DIAPH2: variants seen among roughly 807,000 people sequenced by gnomAD.
DIAPH2 encodes diaphanous related formin 2, also known as protein diaphanous homolog 2.
In DIAPH2, 35 loss-of-function variants were observed where a neutral mutation model predicts 92.7. The observed-to-expected ratio is 0.38, with a 90% confidence interval of 0.29 to 0.50. The LOEUF is 0.50. Among genes scored for constraint, DIAPH2 ranks in the 20% least tolerant of loss-of-function variants. The pLI is 0.94. For synonymous variants in DIAPH2, 301 were observed against 280.4 expected (o/e 1.07, Z -0.73); for missense variants, 701 against 819.5 (o/e 0.86, Z 1.77).
intron 26 of DIAPH2, among the ~76,000 whole-genome samples, chrX:97,450,586 C>G (rs935280093): frequency 9.0e-6 from 1 of 111,395 alleles, no homozygotes; most frequent in Non-Finnish European, 1.9e-5. Context: ...TGTTTTCGGT[C>G]TGAGACTTTC....
intron 5 of DIAPH2, among the ~76,000 whole-genome samples, chrX:96,883,476 G>A (rs1037819545): frequency 9.2e-6 from 1 of 108,719 alleles, no homozygotes; most frequent in Admixed American, 9.9e-5. Context: ...TGCCTCCTGG[G>A]TTCAAGCGAT....
rs955651207 is a variant in DIAPH2, at chrX:96,974,701, G to A, written c.2050+9494G>A. Among the ~76,000 whole-genome samples, 3 of 111,194 alleles carry A rather than the reference G, an allele frequency of 2.7e-5. No individual in the cohort carries two copies. In the Admixed American group the frequency reaches 2.9e-4, roughly 11 times the overall value. Reference sequence around the variant, plus strand: ...GAATTTGTATATATGTTCTAGTTTTGTTTATTATTCAATTTGATGATATTT... The same window carrying A: ...GAATTTGTATATATGTTCTAGTTTTATTTATTATTCAATTTGATGATATTT... On this transcript the variant is annotated intron_variant, in intron 17 of 26. Transcript: ENST00000324765.
At chrX:96,734,017 T>C (rs1243231428) in intron 1 of DIAPH2, among the ~76,000 whole-genome samples, 1 of 111,464 alleles carries the variant, frequency 9.0e-6, no homozygotes, top group Non-Finnish European at 1.9e-5. Context: ...CAAAGAAGAG[T>C]ACTGAGGGGA....
At chrX:96,906,224 C>A (rs1478631925) in intron 5 of DIAPH2, among the ~76,000 whole-genome samples, 1 of 112,651 alleles carries the variant, frequency 8.9e-6, no homozygotes. Flanking sequence ...GTTTCAGCCT[C>A]CCGAATAGCT....
intron 16 of DIAPH2, among the ~76,000 whole-genome samples, chrX:96,962,570 C>T (rs2065871475): frequency 1.0e-5 from 1 of 96,311 alleles, no homozygotes; most frequent in Non-Finnish European, 2.0e-5. Context: ...TCTGTTTGAT[C>T]TGATATACGT....
chrX:97,096,500 A>G (rs1318451837), intron 19 of DIAPH2, among the ~76,000 whole-genome samples: 1 of 111,213 alleles, frequency 9.0e-6, no homozygotes, highest in Non-Finnish European at 1.9e-5. Flanking sequence ...TAATTTTGCC[A>G]GCTTCCATGT....
intron 22 of DIAPH2, among the ~76,000 whole-genome samples, chrX:97,175,685 C>T (rs943134848): frequency 5.4e-4 from 60 of 111,629 alleles, no homozygotes; most frequent in African/African-American, 1.7e-3. Context: ...TTAAACTTCC[C>T]CCCAACCCTT....
chrX:96,687,219 G>T (rs1569365654), intron 1 of DIAPH2, among the ~76,000 whole-genome samples: 1 of 111,622 alleles, frequency 9.0e-6, no homozygotes, highest in Non-Finnish European at 1.9e-5. Flanking sequence ...AGGGGAAATG[G>T]CATTGACCAC....
rs769955449 is a variant in DIAPH2, at chrX:97,253,513, C to T, written c.2844+5674C>T. On this transcript the variant is annotated intron_variant, in intron 23 of 26. Coordinates refer to ENST00000324765, the MANE Select transcript of DIAPH2 (RefSeq NM_006729.5). ...CTGTAATTCCAGCACTTTGGGAGGC[C>T]GAGGCGGGTGGATGACTAGGTGAGG... is the stretch of plus-strand genomic sequence containing the variant. 2.7e-5 allele frequency among the ~76,000 whole-genome samples: 3 copies of T among 109,194 alleles called. No individual in the cohort carries two copies. In the South Asian group the frequency reaches 1.2e-3, roughly 43 times the overall value. The allele number at this position is 109,194 out of a possible 115,157, so 94.8% of individuals were successfully genotyped here.
intron 23 of DIAPH2, among the ~76,000 whole-genome samples, chrX:97,309,634 A>G (rs1317317281): frequency 1.8e-5 from 2 of 111,837 alleles, no homozygotes; most frequent in Admixed American, 9.6e-5. Context: ...TGTTTCTCTG[A>G]ATCTCCTTAT....
chrX:96,787,348 A>C (rs1303418607), intron 4 of DIAPH2, among the ~76,000 whole-genome samples: 1 of 111,279 alleles, frequency 9.0e-6, no homozygotes, highest in Non-Finnish European at 1.9e-5. Context: ...AAGTCTTCAA[A>C]GATAGGAGAA....
intron 20 of DIAPH2, among the ~76,000 whole-genome samples, chrX:97,104,290 T>C (rs1356501109): frequency 1.8e-5 from 2 of 112,019 alleles, no homozygotes; most frequent in Admixed American, 9.5e-5. Context: ...TGTATCTATA[T>C]GGCATTTGAT....
chrX:97,538,671 G>A (rs1413813249), intron 26 of DIAPH2, among the ~76,000 whole-genome samples: 2 of 111,984 alleles, frequency 1.8e-5, no homozygotes, highest in Non-Finnish European at 3.8e-5. Flanking sequence ...AAAACTACTG[G>A]AAAAGAATTA....
chrX:96,833,184 A>C (rs1176399341), intron 4 of DIAPH2, among the ~76,000 whole-genome samples: 2 of 111,361 alleles, frequency 1.8e-5, no homozygotes, highest in African/African-American at 3.3e-5. Flanking sequence ...ATTTAGCTCT[A>C]AAGTATGTGG....
At chrX:96,763,262 A>G (rs913366644) in intron 4 of DIAPH2, 1 of 304,052 alleles carries the variant, frequency 3.3e-6, no homozygotes, top group Non-Finnish European at 5.0e-6. Context: ...TGATCAGGTG[A>G]TTAGAATTTA....
intron 26 of DIAPH2, among the ~76,000 whole-genome samples, chrX:97,509,683 A>G (rs1157001731): frequency 1.1e-5 from 1 of 93,676 alleles, no homozygotes; most frequent in Non-Finnish European, 2.1e-5. Flanking sequence ...AACAGTCCCC[A>G]GAGTGTGATG....
chrX:97,131,464 G>A (rs981123159), intron 21 of DIAPH2, among the ~76,000 whole-genome samples: 2 of 111,421 alleles, frequency 1.8e-5, no homozygotes, highest in African/African-American at 6.5e-5. Flanking sequence ...ACCTTTAAAT[G>A]CGATTTATTA....
chrX:97,032,869 G>C (rs2066385999), intron 17 of DIAPH2, among the ~76,000 whole-genome samples: 6 of 111,470 alleles, frequency 5.4e-5, no homozygotes. Context: ...GCTCTTTTAA[G>C]TTTTCAGTTT....
intron 23 of DIAPH2, among the ~76,000 whole-genome samples, chrX:97,284,509 C>A (rs1308877387): frequency 9.2e-6 from 1 of 108,540 alleles, no homozygotes; most frequent in Middle Eastern, 4.3e-3. Context: ...ACTCGGGAGG[C>A]TAAGGTAAGA....
Sources: gnomAD v4.1 joint callset for allele counts (sites outside exome capture counted in the v4.1 genomes callset) on GRCh38, gnomAD v4.1.1 for gene constraint, MANE v1.5 for transcripts, NCBI Gene and HGNC (gene_info 2026-07-23, HGNC 2026-07-21) for gene names.